The following ATG16L1 variants were observed in gnomAD, a reference collection of about 807,000 sequenced individuals.
ATG16L1 encodes autophagy-related protein 16-1.
In ATG16L1, 37 loss-of-function variants were observed where a neutral mutation model predicts 88.5. The observed-to-expected ratio is 0.42, with a 90% CI of 0.32 to 0.55. The LOEUF (loss-of-function observed/expected upper bound fraction) is 0.55, where lower values mean the gene tolerates loss of function less well. ATG16L1 is among the 20% of genes least tolerant of loss of function. The pLI is 0.13. For missense variants in ATG16L1, 554 were observed against 752.8 expected (o/e 0.74, Z 3.09); for synonymous variants, 301 against 281.0 (o/e 1.07, Z -0.71).
Position 233,294,422 on chromosome 2 carries a change from C to G in ATG16L1, c.*72C>G. On this transcript the variant is annotated 3_prime_UTR_variant, in exon 18 of 18. Transcript: ENST00000392017. ...GCACATGGGCTCCTGCAGCCCTGTC[C>G]TGGCAGGTGATGTGCTGGGTATAGC... 1 of 1,273,708 alleles carries G rather than the reference C, an allele frequency of 7.9e-7. No individual in the cohort carries two copies. The highest frequency in any genetic ancestry group is 1.1e-6 in the Non-Finnish European group (1 of 891,084). 78.9% of individuals were successfully genotyped at this position (1,273,708 alleles called of 1,614,324 possible).
At chr2:233,284,969 G>A (rs1219999101) in intron 12 of ATG16L1, among the ~76,000 whole-genome samples, 1 of 152,212 alleles carries the variant, frequency 6.6e-6, no homozygotes, top group Non-Finnish European at 1.5e-5. Context: ...GAGCCCTGAC[G>A]ATGACAAGGA....
At chr2:233,270,565 A>G (rs1057142400) in intron 6 of ATG16L1, among the ~76,000 whole-genome samples, 5 of 152,120 alleles carry the variant, frequency 3.3e-5, no homozygotes, top group Admixed American at 3.3e-4. Context: ...TCCTGTTGAC[A>G]CTTTGAACGA....
At chr2:233,266,430 G>A (rs897546882) in intron 5 of ATG16L1, among the ~76,000 whole-genome samples, 5 of 152,188 alleles carry the variant, frequency 3.3e-5, no homozygotes, top group Admixed American at 2.6e-4. Context: ...CTGCATTCCA[G>A]CCTGAGTGAC....
intron 12 of ATG16L1, among the ~76,000 whole-genome samples, chr2:233,287,849 G>C (rs1180321575): frequency 6.6e-6 from 1 of 152,224 alleles, no homozygotes; most frequent in African/African-American, 2.4e-5. Flanking sequence ...CTGCACTCCA[G>C]CTTGGGTGAC....
chr2:233,261,490 G>A (rs1697209863), intron 2 of ATG16L1, among the ~76,000 whole-genome samples: 1 of 152,136 alleles, frequency 6.6e-6, no homozygotes, highest in Admixed American at 6.5e-5. Flanking sequence ...TACTTCTTGG[G>A]TTAAGATTGG....
At chr2:233,255,017 A>C (rs1696676807) in intron 1 of ATG16L1, among the ~76,000 whole-genome samples, 1 of 152,008 alleles carries the variant, frequency 6.6e-6, no homozygotes, top group Non-Finnish European at 1.5e-5. Context: ...TCTGTCGCCC[A>C]GGCTGGAGTG....
chr2:233,292,455 C>A (rs538708830), intron 16 of ATG16L1, 21 bp downstream of exon 16: 1 of 1,612,004 alleles, frequency 6.2e-7, no homozygotes, highest in South Asian at 1.1e-5. Context: ...ACCCACCCCC[C>A]GCCAATTTGG....
intron 14 of ATG16L1, 114 bp downstream of exon 14, chr2:233,290,467 C>T (rs529415983): frequency 7.3e-6 from 6 of 825,142 alleles, no homozygotes; most frequent in Middle Eastern, 2.5e-4. Flanking sequence ...TTTCGGTACA[C>T]GTATAGTGTT....
rs546991357 is a variant in ATG16L1 at position 233,280,193 on chromosome 2, A to G, written c.1061-912A>G. Among the ~76,000 whole-genome samples, 6 of 152,252 alleles carry G rather than the reference A, an allele frequency of 3.9e-5. No individual in the cohort carries two copies. In the South Asian group the frequency reaches 6.2e-4, roughly 16 times the overall value. ...TCTGGCTCCAATCATTATTTTTACT[A>G]CTTAGAAGTACTGAATAAGATAAAA... On this transcript the variant is annotated intron_variant, in intron 10 of 17. Transcript: ENST00000392017.
At chr2:233,273,201 C>A (rs1698110191) in intron 7 of ATG16L1, 149 bp downstream of exon 7, 3 of 631,196 alleles carry the variant, frequency 4.8e-6, no homozygotes, top group Non-Finnish European at 8.5e-6. Context: ...ACAGAGGTGT[C>A]CAGTCTTTCT....
intron 5 of ATG16L1, among the ~76,000 whole-genome samples, chr2:233,266,906 C>T (rs892747233): frequency 6.6e-6 from 1 of 152,160 alleles, no homozygotes; most frequent in Non-Finnish European, 1.5e-5. Flanking sequence ...CGTGCTTCTA[C>T]ATGTGGGGCT....
intron 12 of ATG16L1, among the ~76,000 whole-genome samples, chr2:233,284,553 C>T (rs1001369099): frequency 1.3e-5 from 2 of 151,926 alleles, no homozygotes; most frequent in Admixed American, 6.6e-5. Context: ...AGGACGTTCT[C>T]GATCTCCTGA....
intron 13 of ATG16L1, 102 bp downstream of exon 13, chr2:233,290,076 T>A (rs1699361707): frequency 1.3e-6 from 2 of 1,568,860 alleles, no homozygotes; most frequent in East Asian, 4.5e-5. Context: ...TAGTTTGAAT[T>A]TCAGATCTGG....
At chr2:233,252,877 T>G (rs1251479672) in intron 1 of ATG16L1, among the ~76,000 whole-genome samples, 1 of 152,258 alleles carries the variant, frequency 6.6e-6, no homozygotes, top group Non-Finnish European at 1.5e-5. Context: ...AAAGTAAACC[T>G]GACGACTTTC....
intron 1 of ATG16L1, among the ~76,000 whole-genome samples, chr2:233,253,152 A>G (rs1696504995): frequency 6.6e-6 from 1 of 152,180 alleles, no homozygotes; most frequent in Non-Finnish European, 1.5e-5. Flanking sequence ...GATGCTTCCC[A>G]AATGACTACT....
chr2:233,276,736 C>T (rs538663733), intron 9 of ATG16L1, among the ~76,000 whole-genome samples: 35 of 152,158 alleles, frequency 2.3e-4, no homozygotes, highest in Non-Finnish European at 3.7e-4. Flanking sequence ...CTCGGTCTCC[C>T]GAAGTGCTGG....
rs144421953 is a variant in ATG16L1, at chr2:233,272,842, T to G, written c.708-124T>G. ...TCTTCCTTTTTCTCCAAAGAATCTT[T>G]AACGCATTGCTGTCATAGCCAAGTG... is the stretch of plus-strand genomic sequence containing the variant. On this transcript the variant is annotated intron_variant, in intron 6 of 17. Coordinates refer to ENST00000392017, the MANE Select transcript of ATG16L1 (RefSeq NM_030803.7). 8.7e-5 allele frequency: 67 copies of G among 772,094 alleles called. No individual in the cohort carries two copies. The African/African-American group carries it at 9.5e-4, about 11-fold the overall frequency. 47.8% of individuals were successfully genotyped at this position (772,094 alleles called of 1,614,324 possible).
intron 14 of ATG16L1, among the ~76,000 whole-genome samples, chr2:233,291,828 G>T (rs1160404707): frequency 1.3e-5 from 2 of 152,194 alleles, no homozygotes; most frequent in South Asian, 4.1e-4. Flanking sequence ...ATACGAATTG[G>T]GTAGTAGCCC....
At chr2:233,280,505 G>A (rs1698652363) in intron 10 of ATG16L1, among the ~76,000 whole-genome samples, 2 of 152,174 alleles carry the variant, frequency 1.3e-5, no homozygotes, top group Admixed American at 1.3e-4. Context: ...TAGTTCGCTT[G>A]CCAGGATCTT....
Sources: gnomAD v4.1 joint callset for allele counts (sites outside exome capture counted in the v4.1 genomes callset) on GRCh38, gnomAD v4.1.1 for gene constraint, MANE v1.5 for transcripts, NCBI Gene and HGNC (gene_info 2026-07-23, HGNC 2026-07-21) for gene names.